Variants in KLRG1 observed in about 807,000 individuals in gnomAD.
The protein encoded by KLRG1 is killer cell lectin-like receptor subfamily G member 1.
KLRG1 carries 16 observed loss-of-function variants against 21.8 expected under a neutral mutation model. The observed-to-expected ratio is 0.73, with a 90% confidence interval of 0.50 to 1.11. The LOEUF (loss-of-function observed/expected upper bound fraction) is 1.11, where lower values mean the gene tolerates loss of function less well. Among genes scored for constraint, KLRG1 ranks in the 50% most tolerant of loss-of-function variants. The pLI is 0.00. For missense variants in KLRG1, 173 were observed against 218.3 expected (o/e 0.79, Z 1.31); for synonymous variants, 69 against 75.9 (o/e 0.91, Z 0.47).
the KLRG1 span, among the ~76,000 whole-genome samples, chr12:9,054,231 C>T: frequency 6.6e-6 from 1 of 152,064 alleles, no homozygotes; most frequent in Non-Finnish European, 1.5e-5. Context: ...ATGTTTATTT[C>T]AATGTTCAAT....
chr12:9,090,505 G>A, the KLRG1 span: 1 of 1,610,632 alleles, frequency 6.2e-7, no homozygotes, highest in Non-Finnish European at 8.5e-7. Flanking sequence ...ATAAGAAAGG[G>A]AGTAGAGAGG....
At chr12:9,202,727 C>G in the KLRG1 span, 1 of 1,563,274 alleles carries the variant, frequency 6.4e-7, no homozygotes, top group Non-Finnish European at 8.7e-7. Context: ...ACTGTGCAGT[C>G]TTCTCCCTCT....
the KLRG1 span, chr12:9,089,986 C>T: frequency 3.1e-6 from 5 of 1,605,958 alleles, no homozygotes; most frequent in Middle Eastern, 4.9e-4. Context: ...GCTCTTGAGA[C>T]TCTAGTGCCT....
chr12:9,139,509 C>G, the KLRG1 span, among the ~76,000 whole-genome samples: 72 of 152,238 alleles, frequency 4.7e-4, 2 homozygotes, highest in African/African-American at 1.6e-3. Context: ...AATGATGTAT[C>G]CATTATTGCA....
the KLRG1 span, among the ~76,000 whole-genome samples, chr12:9,055,174 T>C: frequency 2.0e-5 from 3 of 152,340 alleles, no homozygotes; most frequent in East Asian, 5.8e-4. Context: ...CGTAATATTA[T>C]GACTCCCACC....
chr12:9,185,790 A>ATTTCTTTTATTTTCTTTTCT, the KLRG1 span, among the ~76,000 whole-genome samples: 1 of 134,266 alleles, frequency 7.4e-6, no homozygotes, highest in Non-Finnish European at 1.6e-5. Flanking sequence ...TATGTTCAAC[A>ATTTCTTTTATTTTCTTTTCT]TTTCTTTTCT....
Position 9,008,978 on chromosome 12 carries a change from C to G in KLRG1, c.361C>G (p.Leu121Val). 1 of 1,612,660 alleles carries G rather than the reference C, an allele frequency of 6.2e-7. No individual in the cohort carries two copies. The highest frequency in any genetic ancestry group is 8.5e-7 in the Non-Finnish European group (1 of 1,179,094). Residue 121 changes from leucine (L) to valine (V), a missense_variant, in exon 4 of 5, where the codon CTG becomes GTG. By Grantham distance (32) the Leu-to-Val change is conservative. This residue lies in a region of KLRG1 where 144 missense variants were observed against 161.5 expected (regional missense o/e 0.89). Coordinates refer to ENST00000356986, the MANE Select transcript of KLRG1 (RefSeq NM_005810.4). ...TGGTTTTCAACCTCTCCCTTAGAGC[C>G]TGCTCCAAGTTTTCCTCAGTGAGGC... Reference protein sequence around the residue: ...LVITDNQEMSLLQVFLSEAFC... With the variant: ...LVITDNQEMSVLQVFLSEAFC...
chr12:8,980,777 C>T (rs1247262000), intron 1 of KLRG1, among the ~76,000 whole-genome samples: 2 of 152,098 alleles, frequency 1.3e-5, no homozygotes, highest in Non-Finnish European at 2.9e-5. Flanking sequence ...CGGCTGGTGT[C>T]AGCATTCTTG....
the KLRG1 span, among the ~76,000 whole-genome samples, chr12:9,189,845 A>C: frequency 6.6e-6 from 1 of 152,336 alleles, no homozygotes; most frequent in East Asian, 1.9e-4. Context: ...AGGAATAAAC[A>C]CTTTTCAAAA....
chr12:9,129,555 G>A, the KLRG1 span, among the ~76,000 whole-genome samples: 4 of 151,970 alleles, frequency 2.6e-5, no homozygotes, highest in Non-Finnish European at 4.4e-5. Flanking sequence ...GCAGGTATGG[G>A]TTTTCCTTTT....
At chr12:9,079,190 C>T in the KLRG1 span, 1 of 1,355,238 alleles carries the variant, frequency 7.4e-7, no homozygotes, top group Non-Finnish European at 1.1e-6. Context: ...TGAGGTAATA[C>T]ATGTAAAAGA....
upstream of KLRG1, among the ~76,000 whole-genome samples, chr12:8,985,417 C>A (rs1946827307): frequency 1.3e-5 from 2 of 152,140 alleles, no homozygotes; most frequent in African/African-American, 4.8e-5. Context: ...TAGCAGACAC[C>A]AACTGGGTAT....
the KLRG1 span, among the ~76,000 whole-genome samples, chr12:9,025,564 G>A: frequency 2.6e-5 from 4 of 152,202 alleles, no homozygotes; most frequent in African/African-American, 9.6e-5. Flanking sequence ...TTGAACCCAG[G>A]AGGTGGAGTT....
chr12:9,139,850 A>AT, the KLRG1 span, among the ~76,000 whole-genome samples: 51,548 of 152,028 alleles, frequency 0.34, 10,356 homozygotes, highest in Non-Finnish European at 0.44. Context: ...ATTCTGACCA[A>AT]TTTTTGGTCA....
At chr12:9,109,472 T>C in the KLRG1 span, 1 of 1,252,328 alleles carries the variant, frequency 8.0e-7, no homozygotes. Flanking sequence ...TATTTTCAGG[T>C]TCCCTGTAAC....
At chr12:9,093,669 A>C in the KLRG1 span, 1 of 742,872 alleles carries the variant, frequency 1.3e-6, no homozygotes, top group Non-Finnish European at 2.0e-6. Flanking sequence ...AAAAAAAACA[A>C]AAAACAAATC....
chr12:9,158,640 T>C, the KLRG1 span: 2 of 1,523,916 alleles, frequency 1.3e-6, no homozygotes, highest in South Asian at 1.3e-5. Flanking sequence ...CTCTGTTTTG[T>C]ACACACAGGC....
chr12:9,049,380 CA>C, the KLRG1 span, among the ~76,000 whole-genome samples: 1 of 152,034 alleles, frequency 6.6e-6, no homozygotes, highest in Non-Finnish European at 1.5e-5. Flanking sequence ...AGGAAGGACC[CA>C]AAATGTCTGA....
At chr12:9,003,703 C>CT (rs1947375037) in intron 3 of KLRG1, among the ~76,000 whole-genome samples, 1 of 148,058 alleles carries the variant, frequency 6.8e-6, no homozygotes, top group Non-Finnish European at 1.5e-5. Context: ...TTTTCTTTTT[C>CT]TTTTTTATTA....
Sources: allele counts gnomAD v4.1 joint callset (sites outside exome capture counted in the v4.1 genomes callset), GRCh38; gene constraint gnomAD v4.1.1; regional missense constraint gnomAD v4.1.1; transcripts MANE v1.5; gene names NCBI Gene and HGNC (gene_info 2026-07-23, HGNC 2026-07-21).